The following ASAH1 variants were observed in gnomAD, a reference collection of about 807,000 sequenced individuals.
ASAH1 encodes the protein N-acylsphingosine amidohydrolase 1.
ASAH1 carries 70 observed loss-of-function variants against 59.5 expected under a neutral mutation model. That is an observed-to-expected ratio of 1.18 (90% CI 0.97 to 1.43). The LOEUF is 1.43. Among genes scored for constraint, ASAH1 ranks in the 40% most tolerant of loss-of-function variants. ASAH1 has a pLI of 0.00. For synonymous variants in ASAH1, 213 were observed against 166.5 expected (o/e 1.28, Z -2.15); for missense variants, 660 against 482.5 (o/e 1.37, Z -3.45).
At chr8:18,064,650 T>C in intron 5 of ASAH1, 119 bp from the exon 6 acceptor site, 1 of 682,904 alleles carries the variant, frequency 1.5e-6, no homozygotes, top group Admixed American at 2.3e-5. Context: ...CCAGTGGGGC[T>C]GTGCTGGAAC....
intron 3 of ASAH1, 152 bp from the exon 4 acceptor site, chr8:18,070,030 G>A (rs972314904): frequency 3.7e-6 from 2 of 542,848 alleles, no homozygotes; most frequent in Non-Finnish European, 6.5e-6. Flanking sequence ...ACCCAGGCTG[G>A]AGTGCAGTAG....
upstream of ASAH1, chr8:18,084,663 G>A (rs372878054): frequency 1.4e-5 from 23 of 1,613,138 alleles, no homozygotes; most frequent in African/African-American, 2.5e-4. Context: ...CCTCCAAGCT[G>A]TTGGTTACCC....
chr8:18,070,803 G>C (rs1367773586), intron 3 of ASAH1, among the ~76,000 whole-genome samples: 1 of 152,054 alleles, frequency 6.6e-6, no homozygotes, highest in African/African-American at 2.4e-5. Flanking sequence ...ACTATTCTGT[G>C]GGTAATTTCA....
chr8:18,078,367 G>C (rs550761375), intron 1 of ASAH1, among the ~76,000 whole-genome samples: 9 of 152,178 alleles, frequency 5.9e-5, no homozygotes, highest in Non-Finnish European at 1.2e-4. Flanking sequence ...GTGAGTCTGA[G>C]GTTGATAACG....
intron 1 of ASAH1, among the ~76,000 whole-genome samples, chr8:18,077,547 G>T (rs1800462417): frequency 6.6e-6 from 1 of 152,176 alleles, no homozygotes; most frequent in Non-Finnish European, 1.5e-5. Flanking sequence ...ATCAACAACT[G>T]ATCAGTTATC....
At chr8:18,078,257 C>T (rs1208949989) in intron 1 of ASAH1, among the ~76,000 whole-genome samples, 1 of 152,188 alleles carries the variant, frequency 6.6e-6, no homozygotes, top group Non-Finnish European at 1.5e-5. Flanking sequence ...TACTAGACAA[C>T]TGTGAGCAAA....
intron 1 of ASAH1, among the ~76,000 whole-genome samples, chr8:18,081,589 T>TA (rs1380469016): frequency 1.3e-5 from 2 of 152,174 alleles, no homozygotes; most frequent in Non-Finnish European, 2.9e-5. Context: ...AATAGACTCC[T>TA]AAAAAATTCA....
At chr8:18,072,356 C>T (rs1239310497) in intron 2 of ASAH1, among the ~76,000 whole-genome samples, 1 of 152,158 alleles carries the variant, frequency 6.6e-6, no homozygotes, top group Non-Finnish European at 1.5e-5. Flanking sequence ...GGGTTATTAC[C>T]TAAGTCATGA....
Position 18,057,605 on chromosome 8 carries a change from A to C in ASAH1, c.1117T>G (p.Leu373Val). Residue 373 changes from leucine to valine, a missense_variant, in exon 14 of 14, where the codon TTG (leucine) becomes GTG (valine). By Grantham distance (32) the Leu-to-Val change is conservative. Transcript: ENST00000637790. ...AATTGACCTTTGGTAACATCTATCA[A>C]GGTTGTGTATACGGTCAGCTGAAAG... ...VLNKLTVYTT[L>V]IDVTKGQFET... The C allele has an allele frequency of 1.2e-6, 2 of 1,603,092 alleles. No homozygotes were observed. Among genetic ancestry groups the C allele is most frequent in the Non-Finnish European group, 1.7e-6 (2 of 1,172,856 alleles).
upstream of ASAH1, chr8:18,084,329 T>C (rs1366219892): frequency 5.6e-6 from 8 of 1,418,498 alleles, no homozygotes; most frequent in East Asian, 1.8e-4. Context: ...CGTGGCGTGA[T>C]CCATCCCCCT....
chr8:18,074,132 A>G (rs955754838), intron 2 of ASAH1, among the ~76,000 whole-genome samples: 1 of 152,242 alleles, frequency 6.6e-6, no homozygotes, highest in African/African-American at 2.4e-5. Context: ...GGCCTCAAAC[A>G]TGGAAGGCAC....
intron 1 of ASAH1, among the ~76,000 whole-genome samples, chr8:18,080,900 T>G (rs111356837): frequency 6.6e-6 from 1 of 152,210 alleles, no homozygotes. Context: ...TCTTGACACA[T>G]ACATGTGCAA....
At chr8:18,063,350 C>G in intron 6 of ASAH1, 120 bp from the exon 7 acceptor site, 1 of 951,898 alleles carries the variant, frequency 1.1e-6, no homozygotes, top group African/African-American at 1.6e-5. Flanking sequence ...GTTGGCCAGA[C>G]TGGAGTGCAG....
intron 7 of ASAH1, chr8:18,062,815 A>C: frequency 2.7e-6 from 1 of 367,170 alleles, no homozygotes; most frequent in Non-Finnish European, 5.1e-6. Context: ...GGACTTACTT[A>C]TCATCAATAT....
chr8:18,080,850 G>A (rs965807843), intron 1 of ASAH1, among the ~76,000 whole-genome samples: 4 of 152,146 alleles, frequency 2.6e-5, no homozygotes, highest in Non-Finnish European at 4.4e-5. Context: ...GAGCCACCGC[G>A]CCCGGCCTGT....
Position 18,062,314 on chromosome 8 carries a change from C to G in ASAH1, c.613G>C (p.Ala205Pro), listed in dbSNP as rs1437477802. 2 of 1,614,196 alleles carry G rather than the reference C, an allele frequency of 1.2e-6. No homozygotes were observed. The highest frequency in any genetic ancestry group is 8.5e-7 in the Non-Finnish European group (1 of 1,180,034). ...CCTGTTAACATGCCCACATAGCCAG[C>G]AAAGCTTGAAGCCTTGAAGACAGTT... The part of the protein sequence containing the change: ...NKTVFKASSF[A>P]GYVGMLTGFK... Residue 205 changes from alanine to proline, a missense_variant, in exon 8 of 14, where the codon GCT becomes CCT. Coordinates refer to ENST00000637790, the MANE Select transcript of ASAH1 (RefSeq NM_177924.5).
intron 1 of ASAH1, 186 bp from the exon 2 acceptor site, chr8:18,075,773 G>T: frequency 3.3e-6 from 2 of 605,784 alleles, no homozygotes; most frequent in Non-Finnish European, 2.9e-6. Flanking sequence ...ACCATTAAGT[G>T]GATTTTCAGT....
At chr8:18,080,187 C>T (rs1442158084) in intron 1 of ASAH1, among the ~76,000 whole-genome samples, 1 of 152,240 alleles carries the variant, frequency 6.6e-6, no homozygotes, top group East Asian at 1.9e-4. Context: ...ATTGCTAAAG[C>T]TGATTCAATA....
intron 1 of ASAH1, among the ~76,000 whole-genome samples, chr8:18,080,302 G>A (rs1393023895): frequency 6.6e-6 from 1 of 152,162 alleles, no homozygotes; most frequent in Non-Finnish European, 1.5e-5. Context: ...AAGCCATTAC[G>A]TTTCATCTTC....
Sources: allele counts gnomAD v4.1 joint callset (sites outside exome capture counted in the v4.1 genomes callset), GRCh38; gene constraint gnomAD v4.1.1; transcripts MANE v1.5; gene names NCBI Gene and HGNC (gene_info 2026-07-23, HGNC 2026-07-21).